The following CNTN5 variants were observed in gnomAD, a reference collection of about 807,000 sequenced individuals.
CNTN5 encodes the protein contactin-5.
CNTN5 carries 77 observed loss-of-function variants against 129.1 expected under a neutral mutation model. That is an observed-to-expected ratio of 0.60 (90% confidence interval 0.50 to 0.72). The LOEUF is 0.72. Among genes scored for constraint, CNTN5 ranks in the 30% least tolerant of loss-of-function variants. CNTN5 has a pLI of 0.00. For missense variants in CNTN5, 1,478 were observed against 1,328.8 expected (o/e 1.11, Z -1.75); for synonymous variants, 509 against 465.6 (o/e 1.09, Z -1.20).
chr11:100,004,525 C>G (rs1384202878), intron 9 of CNTN5, among the ~76,000 whole-genome samples: 1 of 152,106 alleles, frequency 6.6e-6, no homozygotes, highest in Admixed American at 6.6e-5. Context: ...TTAAATTTCC[C>G]ACATACGTGT....
At chr11:99,091,802 G>C (rs1866265171) in intron 1 of CNTN5, among the ~76,000 whole-genome samples, 1 of 152,132 alleles carries the variant, frequency 6.6e-6, no homozygotes, top group African/African-American at 2.4e-5. Flanking sequence ...TTATGATATA[G>C]AATAGAGCAG....
intron 2 of CNTN5, among the ~76,000 whole-genome samples, chr11:99,391,550 A>C (rs1194812643): frequency 6.6e-6 from 1 of 152,126 alleles, no homozygotes; most frequent in Non-Finnish European, 1.5e-5. Flanking sequence ...TTTGGTTTAC[A>C]ATATTCTTTT....
At chr11:100,180,725 G>A (rs764482603) in intron 13 of CNTN5, among the ~76,000 whole-genome samples, 7 of 151,750 alleles carry the variant, frequency 4.6e-5, no homozygotes, top group African/African-American at 1.5e-4. Context: ...TTCAAATCAC[G>A]TACCCAACAA....
chr11:99,977,833 T>C (rs1032014500), intron 8 of CNTN5, among the ~76,000 whole-genome samples: 2 of 152,226 alleles, frequency 1.3e-5, no homozygotes, highest in Non-Finnish European at 2.9e-5. Flanking sequence ...TTGCTCCCCA[T>C]GACATAACAA....
intron 3 of CNTN5, among the ~76,000 whole-genome samples, chr11:99,802,834 T>C (rs1026699190): frequency 6.6e-6 from 1 of 152,260 alleles, no homozygotes; most frequent in South Asian, 2.1e-4. Flanking sequence ...GTACTCCAAA[T>C]GCTTGGAAAT....
chr11:99,848,513 T>G (rs1420344288), intron 6 of CNTN5, among the ~76,000 whole-genome samples: 1 of 152,178 alleles, frequency 6.6e-6, no homozygotes, highest in African/African-American at 2.4e-5. Flanking sequence ...TTAATCCAAT[T>G]TTGTTAAACA....
chr11:100,154,174 T>C (rs932567167), intron 13 of CNTN5, among the ~76,000 whole-genome samples: 76 of 151,984 alleles, frequency 5.0e-4, no homozygotes, highest in African/African-American at 1.7e-3. Flanking sequence ...TCTCATTGTT[T>C]ACTGCCGCTA....
intron 3 of CNTN5, among the ~76,000 whole-genome samples, chr11:99,755,770 A>G (rs1223475563): frequency 1.3e-5 from 2 of 152,060 alleles, no homozygotes; most frequent in African/African-American, 2.4e-5. Flanking sequence ...AGTTTAATAG[A>G]TTACTTCTAA....
At chr11:99,788,854 C>G (rs1945632978) in intron 3 of CNTN5, among the ~76,000 whole-genome samples, 1 of 151,820 alleles carries the variant, frequency 6.6e-6, no homozygotes, top group African/African-American at 2.4e-5. Context: ...ACGGGGAATG[C>G]TTTTTATTAA....
chr11:99,572,855 T>C (rs1460629657), intron 3 of CNTN5, among the ~76,000 whole-genome samples: 6 of 152,106 alleles, frequency 3.9e-5, no homozygotes, highest in Admixed American at 1.3e-4. Flanking sequence ...GTTAGAAACA[T>C]ATGATGGACT....
chr11:99,126,669 C>A (rs1430255294), intron 1 of CNTN5, among the ~76,000 whole-genome samples: 2 of 152,082 alleles, frequency 1.3e-5, no homozygotes, highest in South Asian at 4.1e-4. Context: ...ACTGTAGCAC[C>A]CAGGATGCAT....
intron 2 of CNTN5, among the ~76,000 whole-genome samples, chr11:99,394,682 G>C (rs548446710): frequency 6.6e-6 from 1 of 151,224 alleles, no homozygotes; most frequent in Non-Finnish European, 1.5e-5. Flanking sequence ...CTTTCTGATC[G>C]TTTCCTTTCT....
intron 17 of CNTN5, among the ~76,000 whole-genome samples, chr11:100,259,492 A>G (rs570037862): frequency 6.6e-6 from 1 of 152,098 alleles, no homozygotes; most frequent in Non-Finnish European, 1.5e-5. Flanking sequence ...ACAAATGTAC[A>G]TTTTTCTCAG....
intron 1 of CNTN5, among the ~76,000 whole-genome samples, chr11:99,219,629 G>A (rs1435713778): frequency 6.6e-6 from 1 of 150,568 alleles, no homozygotes; most frequent in Non-Finnish European, 1.5e-5. Flanking sequence ...TGTAGACCAT[G>A]GCAAAGACTT....
intron 3 of CNTN5, among the ~76,000 whole-genome samples, chr11:99,664,433 A>T (rs1411845526): frequency 6.6e-6 from 1 of 152,096 alleles, no homozygotes. Flanking sequence ...GATCCAGAAA[A>T]GGCCGTGCTT....
chr11:99,444,285 C>T (rs1943967562), intron 2 of CNTN5, among the ~76,000 whole-genome samples: 1 of 151,962 alleles, frequency 6.6e-6, no homozygotes, highest in African/African-American at 2.4e-5. Flanking sequence ...CCTGAAAAGT[C>T]ATATTAAGTC....
At chr11:100,048,264 A>G (rs548136267) in intron 9 of CNTN5, among the ~76,000 whole-genome samples, 5 of 151,524 alleles carry the variant, frequency 3.3e-5, no homozygotes, top group Admixed American at 6.6e-5. Flanking sequence ...GTGGCCCCCA[A>G]TTTCTCAAAC....
chr11:100,023,007 T>C (rs1350009775), intron 9 of CNTN5, among the ~76,000 whole-genome samples: 1 of 152,178 alleles, frequency 6.6e-6, no homozygotes, highest in Admixed American at 6.5e-5. Context: ...TTTAGTTTTC[T>C]TCATGTTTCT....
At chr11:100,187,411 G>T (rs201491855) in intron 13 of CNTN5, among the ~76,000 whole-genome samples, 16 of 148,574 alleles carry the variant, frequency 1.1e-4, no homozygotes, top group South Asian at 4.2e-4. Context: ...GCTGCCAACG[G>T]TTTTTTTTTT....
Sources: allele counts gnomAD v4.1 joint callset (sites outside exome capture counted in the v4.1 genomes callset), GRCh38; gene constraint gnomAD v4.1.1; transcripts MANE v1.5; gene names NCBI Gene and HGNC (gene_info 2026-07-23, HGNC 2026-07-21).